IL2RB: variants seen among roughly 807,000 people sequenced by gnomAD.
The protein encoded by IL2RB is interleukin-2 receptor subunit beta.
Under a neutral mutation model 44.2 loss-of-function variants are expected in IL2RB, and 17 were observed. The ratio of observed to expected loss-of-function variants is 0.38; its 90% confidence interval spans 0.26 to 0.58. The LOEUF is 0.58. Ranked by LOEUF, IL2RB falls within the 20% of genes least tolerant of loss-of-function variation. The pLI is 0.63. For synonymous variants in IL2RB, 286 were observed against 297.9 expected (o/e 0.96, Z 0.41); for missense variants, 624 against 685.5 (o/e 0.91, Z 1.00).
In IL2RB at chr22:37,130,500, G is replaced by T. The variant is rs931722029; in HGVS notation, c.904-1652C>A. Among the ~76,000 whole-genome samples, 3 of 152,336 alleles carry T rather than the reference G, an allele frequency of 2.0e-5. No individual in the cohort carries two copies. In the East Asian group the frequency reaches 5.8e-4, roughly 29 times the overall value. On this transcript the variant is annotated intron_variant, in intron 9 of 9. Coordinates refer to ENST00000216223, the MANE Select transcript of IL2RB (RefSeq NM_000878.5). ...CTGTGGGTCCTAGGGTGGAGGGGTA[G>T]GTCTCTCACCCAGATGCAGAAAAGG...
At chr22:37,159,654 G>T (rs112386082) in intron 1 of IL2RB, among the ~76,000 whole-genome samples, 71 of 152,340 alleles carry the variant, frequency 4.7e-4, no homozygotes, top group African/African-American at 1.6e-3. Context: ...AGGGGACAGA[G>T]GCAGGTGCAT....
rs1921201803 is a variant in IL2RB at position 37,127,874 on chromosome 22, C to T, written c.*222G>A. 5.0e-6 allele frequency: 2 copies of T among 402,790 alleles called. No individual in the cohort carries two copies. Among genetic ancestry groups the T allele is most frequent in the East Asian group, 7.3e-5 (2 of 27,266 alleles). 25.0% of individuals were successfully genotyped at this position (402,790 alleles called of 1,614,324 possible). ...GGGGAGTTACTGCCCCCCTGCAACA[C>T]ACACAGTTCCTGGCTCGGGCAGCAG... is the stretch of plus-strand genomic sequence containing the variant. On this transcript the variant is annotated 3_prime_UTR_variant, in exon 10 of 10. Coordinates refer to ENST00000216223, the MANE Select transcript of IL2RB (RefSeq NM_000878.5).
Position 37,135,356 on chromosome 22 carries a change from GCAAGTA to G in IL2RB, c.784_789del (p.Tyr262_Leu263del). ...GGCCCGGTGTTCCTGCAGTTGATCAGCAAGTACACTAAGATGATGAAGCCAAAAGCC... is the reference window on the plus strand; with the variant it reads ...GGCCCGGTGTTCCTGCAGTTGATCAGCACTAAGATGATGAAGCCAAAAGCC... On this transcript the variant is annotated inframe_deletion, in exon 8 of 10. Coordinates refer to ENST00000216223, the MANE Select transcript of IL2RB (RefSeq NM_000878.5). The G allele has an allele frequency of 6.2e-7, 1 of 1,613,834 alleles. No homozygotes were observed. Among genetic ancestry groups the G allele is most frequent in the South Asian group, 1.1e-5 (1 of 91,072 alleles).
upstream of IL2RB, chr22:37,149,930 G>A (rs1302200494): frequency 2.2e-5 from 22 of 984,870 alleles, no homozygotes; most frequent in South Asian, 9.4e-5. Context: ...TGCTGGGGCC[G>A]CAAAGACTAA....
intron 9 of IL2RB, among the ~76,000 whole-genome samples, chr22:37,132,058 C>T (rs3218322): frequency 0.27 from 40,463 of 151,994 alleles, 6,203 homozygotes; most frequent in East Asian, 0.6. Context: ...TGAACACTAA[C>T]TGCGTGCCAG....
intron 1 of IL2RB, among the ~76,000 whole-genome samples, chr22:37,148,419 C>G (rs1922333524): frequency 6.6e-6 from 1 of 152,180 alleles, no homozygotes; most frequent in Non-Finnish European, 1.5e-5. Context: ...TGAGCACCCC[C>G]TCCTGGGTCC....
intron 2 of IL2RB, among the ~76,000 whole-genome samples, chr22:37,143,884 C>CGTGTGTGTGTGTGTGT (rs55819516): frequency 7.1e-5 from 10 of 139,898 alleles, no homozygotes; most frequent in African/African-American, 2.6e-4. Flanking sequence ...CTTGGAGAGG[C>CGTGTGTGTGTGTGTGT]GTGTGTGTGT....
At chr22:37,139,593 G>A (rs1038492367) in intron 4 of IL2RB, among the ~76,000 whole-genome samples, 3 of 152,192 alleles carry the variant, frequency 2.0e-5, no homozygotes, top group Admixed American at 6.5e-5. Context: ...TACCTTGAGA[G>A]GGAGTGAGCT....
In IL2RB at chr22:37,136,328, G is replaced by A. The variant is rs140822038; in HGVS notation, c.603C>T (p.Asp201=). The A allele has an allele frequency of 8.7e-6, 14 of 1,613,122 alleles. No homozygotes were observed. Among genetic ancestry groups the A allele is most frequent in the Admixed American group, 8.3e-5 (5 of 59,920 alleles). Reference sequence around the variant, plus strand: ...CCCGCACCTGAAACTCATACTGGGTGTCTGGGGTGAGCGTCTCCAGGCAGA... The same window carrying A: ...CCCGCACCTGAAACTCATACTGGGTATCTGGGGTGAGCGTCTCCAGGCAGA... ...EWICLETLTP[D]TQYEFQVRVK... is the part of the protein sequence containing the mutation. Residue 201 remains aspartate, a synonymous_variant, in exon 7 of 10, where the codon GAC becomes GAT. Transcript: ENST00000216223.
chr22:37,137,072 G>C (rs1236053385), intron 6 of IL2RB, among the ~76,000 whole-genome samples: 1 of 152,172 alleles, frequency 6.6e-6, no homozygotes, highest in Non-Finnish European at 1.5e-5. Flanking sequence ...TCTGCTGACT[G>C]ACTGCCTGCC....
upstream of IL2RB, among the ~76,000 whole-genome samples, chr22:37,151,165 T>A (rs1165688262): frequency 1.3e-5 from 2 of 152,208 alleles, no homozygotes; most frequent in African/African-American, 4.8e-5. Context: ...TTCTTTATAG[T>A]GGTTGTACTA....
intron 1 of IL2RB, among the ~76,000 whole-genome samples, chr22:37,168,041 CTCTAACT>C (rs1293670714): frequency 1.3e-5 from 2 of 152,206 alleles, no homozygotes; most frequent in Non-Finnish European, 2.9e-5. Context: ...GGGATTTGAA[CTCTAACT>C]CAGAGTACCT....
chr22:37,150,365 G>A (rs762631452), upstream of IL2RB, among the ~76,000 whole-genome samples: 2 of 152,042 alleles, frequency 1.3e-5, no homozygotes, highest in African/African-American at 2.4e-5. Context: ...CCATCTTTCC[G>A]AGACTCCCAT....
intron 1 of IL2RB, among the ~76,000 whole-genome samples, chr22:37,165,230 T>C (rs898947628): frequency 6.6e-6 from 1 of 152,234 alleles, no homozygotes; most frequent in Admixed American, 6.5e-5. Flanking sequence ...CACATGCTCC[T>C]AACTACCAGG....
At position 37,128,070 on chromosome 22, in the gene IL2RB, G is replaced by A; in HGVS notation, c.*26C>T. The A allele has an allele frequency of 6.7e-7, 1 of 1,495,442 alleles. No individual in the cohort carries two copies. Among genetic ancestry groups the A allele is most frequent in the South Asian group, 1.4e-5 (1 of 71,612 alleles). 92.6% of individuals were successfully genotyped at this position (1,495,442 alleles called of 1,614,324 possible). On this transcript the variant is annotated 3_prime_UTR_variant, in exon 10 of 10. Transcript: ENST00000216223. The surrounding 1 kb of genome is among the most constrained non-coding windows in gnomAD (Gnocchi z 4.5). ...GAGGCTCGGCGCAGAGCAGGCAGCTGCCTGCCTCCCACCCTGGCCATCTGT... is the reference window on the plus strand; with the variant it reads ...GAGGCTCGGCGCAGAGCAGGCAGCTACCTGCCTCCCACCCTGGCCATCTGT...
intron 6 of IL2RB, among the ~76,000 whole-genome samples, chr22:37,137,062 TCTGCTGACTGACTGCCTGC>T (rs918620756): frequency 2.0e-5 from 3 of 152,182 alleles, no homozygotes; most frequent in Admixed American, 2.0e-4. Context: ...TGTCGCTACA[TCTGCTGACTGACTGCCTGC>T]CTGCCCTGCC....
chr22:37,164,421 G>A (rs550541473), intron 1 of IL2RB, among the ~76,000 whole-genome samples: 7 of 144,960 alleles, frequency 4.8e-5, no homozygotes, highest in Non-Finnish European at 1.1e-4. Flanking sequence ...CACTCTGGCT[G>A]AAGTCATCTG....
chr22:37,164,842 C>T (rs1272577200), intron 1 of IL2RB, among the ~76,000 whole-genome samples: 1 of 152,178 alleles, frequency 6.6e-6, no homozygotes, highest in African/African-American at 2.4e-5. Context: ...TCCTCTAGCC[C>T]TTACTACGCA....
In IL2RB at chr22:37,144,128, G is replaced by A. The variant is rs377485257; in HGVS notation, c.45C>T (p.Leu15=). The A allele has an allele frequency of 6.3e-5, 98 of 1,552,280 alleles. No individual in the cohort carries two copies. The highest frequency in any genetic ancestry group is 7.8e-5 in the Non-Finnish European group (90 of 1,147,274). The change falls in exon 2 of 10, where the codon CTC becomes CTT. Residue 15 remains leucine, a synonymous_variant. Coordinates refer to ENST00000216223, the MANE Select transcript of IL2RB (RefSeq NM_000878.5). ...CCCAAGAGGTAGCCAGGGGCAGGAG[G>A]AGGATGAGGAGGGGCAGACGCCAGG... ...ALSWRLPLLI[L]LLPLATSWAS...
Sources: allele counts gnomAD v4.1 joint callset (sites outside exome capture counted in the v4.1 genomes callset), GRCh38; gene constraint gnomAD v4.1.1; non-coding constraint Gnocchi (gnomAD v3.1); transcripts MANE v1.5; gene names NCBI Gene and HGNC (gene_info 2026-07-23, HGNC 2026-07-21).